The following DNAH6 variants were observed in gnomAD, a reference collection of about 807,000 sequenced individuals.
The protein encoded by DNAH6 is dynein axonemal heavy chain 6.
DNAH6 carries 340 observed loss-of-function variants against 491.4 expected under a neutral mutation model. The observed-to-expected ratio is 0.69, with a 90% CI of 0.63 to 0.76. The LOEUF (loss-of-function observed/expected upper bound fraction) is 0.76. Ranked by LOEUF, DNAH6 falls within the 30% of genes least tolerant of loss-of-function variation. The pLI is 0.00. For missense variants in DNAH6, 4,443 were observed against 4,972.2 expected (o/e 0.89, Z 3.20); for synonymous variants, 1,603 against 1,686.1 (o/e 0.95, Z 1.21).
At chr2:84,758,517 A>G (rs1025799645) in intron 63 of DNAH6, among the ~76,000 whole-genome samples, 2 of 152,162 alleles carry the variant, frequency 1.3e-5, no homozygotes, top group Admixed American at 6.5e-5. Flanking sequence ...AGACTCAAAA[A>G]TCCCCAACAA....
chr2:84,660,852 CTA>C (rs1691434678), intron 37 of DNAH6, among the ~76,000 whole-genome samples: 1 of 151,958 alleles, frequency 6.6e-6, no homozygotes, highest in Non-Finnish European at 1.5e-5. Flanking sequence ...TCAAATATAT[CTA>C]TGTCATAAGA....
At chr2:84,675,720 A>G (rs1048753967) in intron 40 of DNAH6, among the ~76,000 whole-genome samples, 4 of 152,204 alleles carry the variant, frequency 2.6e-5, no homozygotes, top group Admixed American at 2.0e-4. Flanking sequence ...CTGCACTGGC[A>G]CAATAGAGGC....
chr2:84,664,195 G>A (rs528312285), intron 37 of DNAH6, among the ~76,000 whole-genome samples: 9 of 152,052 alleles, frequency 5.9e-5, no homozygotes, highest in Non-Finnish European at 8.8e-5. Flanking sequence ...ATCAACTAAC[G>A]AGCAAAATAA....
chr2:84,806,956 C>T (rs1334678329), intron 71 of DNAH6, among the ~76,000 whole-genome samples: 1 of 152,160 alleles, frequency 6.6e-6, no homozygotes, highest in Non-Finnish European at 1.5e-5. Flanking sequence ...AGATAGAGTG[C>T]TGGTTGGGAA....
At position 84,669,273 on chromosome 2, in the gene DNAH6, T is replaced by C; in HGVS notation, c.6085-16T>C. On this transcript the variant is annotated splice_polypyrimidine_tract_variant and intron_variant, in intron 37 of 76. Transcript: ENST00000389394. ...CTTATTCCCTATTGAAAGTGGTGTT[T>C]AATTTTGTACTTTAGCTTCCCAATT... is the stretch of plus-strand genomic sequence containing the variant. The C allele has an allele frequency of 6.5e-7, 1 of 1,541,706 alleles. No homozygotes were observed. Among genetic ancestry groups the C allele is most frequent in the South Asian group, 1.2e-5 (1 of 83,846 alleles).
chr2:84,495,038 T>C, the DNAH6 span, among the ~76,000 whole-genome samples: 8 of 152,190 alleles, frequency 5.3e-5, no homozygotes, highest in Non-Finnish European at 1.5e-5. Context: ...GGGGACACTT[T>C]AGAAAAACTA....
the DNAH6 span, among the ~76,000 whole-genome samples, chr2:84,481,840 C>G: frequency 6.6e-6 from 1 of 152,238 alleles, no homozygotes; most frequent in Non-Finnish European, 1.5e-5. Context: ...CTGAGCAACA[C>G]TTTCCTACTG....
At chr2:84,651,113 C>T (rs1690413022) in intron 33 of DNAH6, among the ~76,000 whole-genome samples, 1 of 152,024 alleles carries the variant, frequency 6.6e-6, no homozygotes, top group Admixed American at 6.6e-5. Flanking sequence ...TTACTGTTCC[C>T]CACGTGACCT....
chr2:84,621,150 C>T, intron 24 of DNAH6, 41 bp from the exon 25 acceptor site: 3 of 1,544,954 alleles, frequency 1.9e-6, no homozygotes, highest in Non-Finnish European at 2.6e-6. Flanking sequence ...GCTTACAAGT[C>T]CCACACAAGC....
At chr2:84,563,012 A>G (rs924817440) in intron 11 of DNAH6, among the ~76,000 whole-genome samples, 7 of 152,100 alleles carry the variant, frequency 4.6e-5, no homozygotes, top group Admixed American at 3.3e-4. Flanking sequence ...GTGATAATGA[A>G]TAAGTCTCAG....
intron 68 of DNAH6, among the ~76,000 whole-genome samples, chr2:84,794,782 GA>G (rs1443506465): frequency 7.5e-6 from 1 of 133,344 alleles, no homozygotes; most frequent in Admixed American, 7.8e-5. Context: ...ATTCCTCAGG[GA>G]TCTAGAACTA....
chr2:84,740,994 GCTCTAACCTCT>G (rs1672474633), intron 62 of DNAH6, among the ~76,000 whole-genome samples: 1 of 152,146 alleles, frequency 6.6e-6, no homozygotes, highest in Admixed American at 6.5e-5. Context: ...CCAAACAATG[GCTCTAACCTCT>G]CAAAATGGTG....
intron 61 of DNAH6, among the ~76,000 whole-genome samples, chr2:84,733,187 A>G (rs894901080): frequency 8.5e-5 from 13 of 152,218 alleles, no homozygotes; most frequent in Admixed American, 7.9e-4. Context: ...AAACAGGCTG[A>G]AAGTAGCAGA....
rs149222332 is a variant in DNAH6, at chr2:84,706,124, C to T, written c.8727+377C>T. Among the ~76,000 whole-genome samples, 1,500 of 152,178 alleles carry T rather than the reference C, an allele frequency of 9.9e-3. 8 individuals carry two copies. Among genetic ancestry groups the T allele is most frequent in the Non-Finnish European group, 0.016 (1,104 of 68,026 alleles). Reference sequence around the variant, plus strand: ...TTAACCCTGTCATTGGATGTGAGGCCCTTCATCTTCCCAAGAAGAAAAAAG... The same window carrying T: ...TTAACCCTGTCATTGGATGTGAGGCTCTTCATCTTCCCAAGAAGAAAAAAG... On this transcript the variant is annotated intron_variant, in intron 52 of 76. Coordinates refer to ENST00000389394, the MANE Select transcript of DNAH6 (RefSeq NM_001370.2).
intron 39 of DNAH6, among the ~76,000 whole-genome samples, chr2:84,670,836 A>G (rs995955945): frequency 6.6e-6 from 1 of 152,128 alleles, no homozygotes; most frequent in Non-Finnish European, 1.5e-5. Context: ...TAAGTATGAG[A>G]CTGTTTTGGT....
chr2:84,548,249 C>T lies in DNAH6; in HGVS notation c.1187-39C>T, dbSNP rs199761452. On this transcript the variant is annotated intron_variant, in intron 7 of 76. Transcript: ENST00000389394. The stretch of plus-strand genomic sequence containing the variant: ...CATATTGAAAGAGATGGAACTTTTA[C>T]ACAAGTACACTTGTTGTTGTTCCTT... 488 of 1,549,560 alleles carry T rather than the reference C, an allele frequency of 3.1e-4. 3 individuals are homozygous for T. Among genetic ancestry groups the T allele is most frequent in the Middle Eastern group, 8.5e-4 (5 of 5,854 alleles).
intron 61 of DNAH6, among the ~76,000 whole-genome samples, chr2:84,729,988 T>C (rs1698992093): frequency 6.6e-6 from 1 of 152,082 alleles, no homozygotes; most frequent in Non-Finnish European, 1.5e-5. Context: ...TATGACAAGA[T>C]TGTGTCATTA....
intron 56 of DNAH6, among the ~76,000 whole-genome samples, chr2:84,710,919 A>G (rs1442844748): frequency 6.6e-6 from 1 of 152,098 alleles, no homozygotes; most frequent in East Asian, 1.9e-4. Flanking sequence ...TAGGTGCTCC[A>G]TTTCTTTGGC....
intron 47 of DNAH6, 96 bp downstream of exon 47, chr2:84,697,823 T>A: frequency 7.4e-7 from 1 of 1,348,328 alleles, no homozygotes; most frequent in Non-Finnish European, 1.0e-6. Context: ...GGTCCATGAA[T>A]AAAATTTTTT....
Sources: allele counts gnomAD v4.1 joint callset (sites outside exome capture counted in the v4.1 genomes callset), GRCh38; gene constraint gnomAD v4.1.1; transcripts MANE v1.5; gene names NCBI Gene and HGNC (gene_info 2026-07-23, HGNC 2026-07-21).